Variants in SH3TC1 observed in about 807,000 individuals in gnomAD.
The protein encoded by SH3TC1 is SH3 domain and tetratricopeptide repeat-containing protein 1.
A neutral mutation model predicts 117.3 loss-of-function variants in SH3TC1; 135 were observed. The ratio of observed to expected loss-of-function variants is 1.15; its 90% CI spans 1.00 to 1.33. The LOEUF (loss-of-function observed/expected upper bound fraction) is 1.33. SH3TC1 is among the 40% of genes most tolerant of loss of function. SH3TC1 has a pLI of 0.00. For missense variants in SH3TC1, 2,092 were observed against 1,794.3 expected, an observed-to-expected ratio of 1.17 and a Z score of -3.00; for synonymous variants, 898 against 816.9, an observed-to-expected ratio of 1.10 and a Z score of -1.69.
At chr4:8,184,676 G>A (rs115459712) in intron 1 of SH3TC1, among the ~76,000 whole-genome samples, 2,437 of 152,284 alleles carry the variant, frequency 0.016, 69 homozygotes, top group African/African-American at 0.055. Flanking sequence ...ACTGTGGCCG[G>A]CTGGAAAGCA....
Position 8,186,195 on chromosome 4 carries a change from C to T in SH3TC1, c.-57+3985C>T, listed in dbSNP as rs559112258. Among the ~76,000 whole-genome samples the T allele has an allele frequency of 3.7e-4, 56 of 152,256 alleles. No individual in the cohort carries two copies. Among genetic ancestry groups the T allele is most frequent in the Admixed American group, 1.1e-3 (17 of 15,292 alleles). On this transcript the variant is annotated intron_variant, in intron 1 of 16. Coordinates refer to the SH3TC1 transcript ENST00000508641. The surrounding 1 kb of genome is among the most constrained non-coding windows in gnomAD (Gnocchi z 5.2). ...GGAGGGGCTGGGGCCAGCCTGACTC[C>T]GAACCAAGACCAGCAGCAAAATTTG...
At chr4:8,220,529 C>T (rs1247538654) in intron 9 of SH3TC1, among the ~76,000 whole-genome samples, 2 of 152,190 alleles carry the variant, frequency 1.3e-5, no homozygotes, top group African/African-American at 2.4e-5. Flanking sequence ...CGAGCAGCAG[C>T]AGGGGGTCTT....
intron 9 of SH3TC1, among the ~76,000 whole-genome samples, chr4:8,220,755 C>A (rs747774409): frequency 2.6e-5 from 4 of 152,174 alleles, no homozygotes; most frequent in Non-Finnish European, 5.9e-5. Flanking sequence ...CCTCTCAGAC[C>A]AGGTCTCAGA....
intron 1 of SH3TC1, among the ~76,000 whole-genome samples, chr4:8,188,865 A>G (rs1717319068): frequency 6.6e-6 from 1 of 152,084 alleles, no homozygotes; most frequent in Non-Finnish European, 1.5e-5. Flanking sequence ...CGAGGCAGCC[A>G]CCTCCTCCCT....
chr4:8,207,194 T>G (rs1718285299), intron 2 of SH3TC1, among the ~76,000 whole-genome samples: 1 of 152,216 alleles, frequency 6.6e-6, no homozygotes, highest in African/African-American at 2.4e-5. Context: ...GTTTGGATCT[T>G]TTGTAGAATG....
intron 12 of SH3TC1, among the ~76,000 whole-genome samples, chr4:8,230,124 T>A (rs1721051354): frequency 6.6e-6 from 1 of 152,220 alleles, no homozygotes; most frequent in Non-Finnish European, 1.5e-5. Context: ...TGGTCATTTT[T>A]GAGTCACTTT....
At chr4:8,233,070 G>C in intron 13 of SH3TC1, 1 of 1,263,738 alleles carries the variant, frequency 7.9e-7, no homozygotes, top group Non-Finnish European at 1.0e-6. Flanking sequence ...CTCCTGGTGC[G>C]TCTAGAGAAG....
chr4:8,185,485 C>A (rs370231469), intron 1 of SH3TC1, among the ~76,000 whole-genome samples: 18 of 152,116 alleles, frequency 1.2e-4, no homozygotes, highest in East Asian at 9.7e-4. Context: ...CGACTCAGCT[C>A]CCCACTGTTG....
intron 9 of SH3TC1, among the ~76,000 whole-genome samples, chr4:8,220,973 G>T (rs1719867171): frequency 6.6e-6 from 1 of 152,220 alleles, no homozygotes; most frequent in Non-Finnish European, 1.5e-5. Context: ...CTAAGGAGTG[G>T]GGAAAAGCTT....
At chr4:8,193,057 G>A (rs555540794) in intron 1 of SH3TC1, among the ~76,000 whole-genome samples, 3 of 152,326 alleles carry the variant, frequency 2.0e-5, no homozygotes, top group South Asian at 2.1e-4. Context: ...GGCCACACCT[G>A]TTCACTTACT....
At chr4:8,239,264 C>G (rs1007516613) in intron 17 of SH3TC1, among the ~76,000 whole-genome samples, 4 of 147,280 alleles carry the variant, frequency 2.7e-5, no homozygotes, top group Admixed American at 6.8e-5. Context: ...CACACACACA[C>G]AGAGACACAT....
chr4:8,220,004 C>T (rs116455974), intron 9 of SH3TC1, among the ~76,000 whole-genome samples: 1,616 of 152,316 alleles, frequency 0.011, 40 homozygotes, highest in African/African-American at 0.037. Context: ...GCCGTCTCCA[C>T]GTGGCTGTCT....
In SH3TC1 at chr4:8,209,945, C is replaced by A; in HGVS notation, c.247+123C>A. ...GGCCTCAGACTTCCCACCTTAAAAT[C>A]ATGATGGGAATAGAAAGAAGGGTTT... On this transcript the variant is annotated intron_variant, in intron 3 of 17. Coordinates refer to ENST00000245105, the MANE Select transcript of SH3TC1 (RefSeq NM_018986.5). The surrounding 1 kb of genome is among the most constrained non-coding windows in gnomAD (Gnocchi z 5.9). 2.1e-6 allele frequency: 2 copies of A among 973,978 alleles called. No individual in the cohort carries two copies. The highest frequency in any genetic ancestry group is 3.0e-6 in the Non-Finnish European group (2 of 656,792). 60.3% of individuals were successfully genotyped at this position (973,978 alleles called of 1,614,324 possible). A position where few individuals can be genotyped will look rare whatever the true frequency, so the allele number is the denominator to read the frequency against.
Position 8,235,475 on chromosome 4 carries a change from G to C in SH3TC1, c.3325G>C (p.Gly1109Arg), listed in dbSNP as rs1383909196. 1 of 1,601,590 alleles carries C rather than the reference G, an allele frequency of 6.2e-7. No individual in the cohort carries two copies. The highest frequency in any genetic ancestry group is 1.7e-5 in the Admixed American group (1 of 58,262). Residue 1109 changes from glycine (G) to arginine (R), a missense_variant, in exon 15 of 18, where the codon GGG (glycine) becomes CGG (arginine). Physicochemically the swap from Gly to Arg is moderately radical, Grantham distance 125. Coordinates refer to ENST00000245105, the MANE Select transcript of SH3TC1 (RefSeq NM_018986.5). Reference sequence around the variant, plus strand: ...CCTGTACACAGGCGACCCCAACCTGGGGCTGGAGCTGTTTGAGGCGGCTGG... The same window carrying C: ...CCTGTACACAGGCGACCCCAACCTGCGGCTGGAGCTGTTTGAGGCGGCTGG... ...VALYTGDPNL[G>R]LELFEAAGDI... is the part of the protein sequence containing the mutation.
chr4:8,216,058 G>A (rs1411731534), intron 5 of SH3TC1, 53 bp from the exon 6 acceptor site: 4 of 1,598,836 alleles, frequency 2.5e-6, no homozygotes, highest in African/African-American at 1.3e-5. Flanking sequence ...AGGCTTCCCT[G>A]CCTCCCTGCC....
rs1370863372 is a variant in SH3TC1, at chr4:8,210,134, G to A, written c.247+312G>A. On this transcript the variant is annotated intron_variant, in intron 3 of 17. Transcript: ENST00000245105. This position sits in a 1 kb window ranked among gnomAD's most constrained non-coding sequence, Gnocchi z 4.1. ...CACAGGTGCCATATGGTAAGAGGTA[G>A]ACGAAAGTACCCACTGCGTCGTGGG... is the stretch of plus-strand genomic sequence containing the variant. 6.6e-6 allele frequency among the ~76,000 whole-genome samples: 1 copy of A among 152,194 alleles called. No individual in the cohort carries two copies. The highest frequency in any genetic ancestry group is 1.5e-5 in the Non-Finnish European group (1 of 68,010).
intron 1 of SH3TC1, chr4:8,204,807 A>G (rs1439977472): frequency 5.7e-6 from 1 of 176,712 alleles, no homozygotes; most frequent in Non-Finnish European, 1.2e-5. Context: ...TTCCGGGAGC[A>G]CGGTCTGTTG....
chr4:8,230,489 A>C (rs1721090667), intron 12 of SH3TC1, among the ~76,000 whole-genome samples: 1 of 152,072 alleles, frequency 6.6e-6, no homozygotes, highest in South Asian at 2.1e-4. Flanking sequence ...GTCTGGTGAA[A>C]GATTTGTCAA....
rs546601570 is a variant in SH3TC1 at position 8,210,617 on chromosome 4, C to T, written c.247+795C>T. Among the ~76,000 whole-genome samples the T allele has an allele frequency of 1.2e-4, 19 of 152,084 alleles. No homozygotes were observed. Among genetic ancestry groups the T allele is most frequent in the African/African-American group, 3.9e-4 (16 of 41,492 alleles). ...TGAAACCCCATCTCTACTAAAAATACAAAAATTAGCTGGCGCATGCCTGTA... is the reference window on the plus strand; with the variant it reads ...TGAAACCCCATCTCTACTAAAAATATAAAAATTAGCTGGCGCATGCCTGTA... On this transcript the variant is annotated intron_variant, in intron 3 of 17. Transcript: ENST00000245105. This position sits in a 1 kb window ranked among gnomAD's most constrained non-coding sequence, Gnocchi z 4.1.
Sources: gnomAD v4.1 joint callset for allele counts (sites outside exome capture counted in the v4.1 genomes callset) on GRCh38, gnomAD v4.1.1 for gene constraint, Gnocchi (gnomAD v3.1) non-coding constraint, MANE v1.5 for transcripts, NCBI Gene and HGNC (gene_info 2026-07-23, HGNC 2026-07-21) for gene names.